STPG4: variants seen among roughly 807,000 people sequenced by gnomAD.
STPG4 encodes the protein protein STPG4.
STPG4 carries 41 observed loss-of-function variants against 31.5 expected under a neutral mutation model. The ratio of observed to expected loss-of-function variants is 1.30; its 90% CI spans 1.01 to 1.69. The LOEUF (loss-of-function observed/expected upper bound fraction) is 1.69, where lower values mean the gene tolerates loss of function less well. Among genes scored for constraint, STPG4 ranks in the 40% most tolerant of loss-of-function variants. The pLI is 0.00. For missense variants in STPG4, 375 were observed against 293.4 expected (o/e 1.28, Z -2.03); for synonymous variants, 141 against 103.0 (o/e 1.37, Z -2.24).
chr2:47,151,310 G>A lies in STPG4; in HGVS notation c.347C>T (p.Ser116Leu), dbSNP rs1686930395. The A allele has an allele frequency of 6.2e-7, 1 of 1,614,080 alleles. No individual in the cohort carries two copies. The highest frequency in any genetic ancestry group is 1.7e-5 in the Admixed American group (1 of 59,994). ...DLLKKQVATY[S>L]FKDKPRPSPS... ...GCTTGGCCGTGGTTTGTCTTTGAAT[G>A]AGTAAGTAGCCACTTGCTTCTTTAA... Residue 116 changes from serine (S) to leucine (L), a missense_variant, in exon 3 of 7, where the codon TCA (serine) becomes TTA (leucine). Ser to Leu is a moderately radical substitution (Grantham distance 145, BLOSUM62 -2). Transcript: ENST00000445927.
rs1163772364 is a variant in STPG4, at chr2:47,090,384, A to G, written c.520-10T>C. The G allele has an allele frequency of 6.6e-7, 1 of 1,511,582 alleles. No homozygotes were observed. The highest frequency in any genetic ancestry group is 9.0e-7 in the Non-Finnish European group (1 of 1,112,388). The allele number at this position is 1,511,582 out of a possible 1,614,324, so 93.6% of individuals were successfully genotyped here. ...GACCAGGGCCTTCATGCTATTGAACATTTAAAAAATTGCTTCATTATTATT... is the reference window on the plus strand; with the variant it reads ...GACCAGGGCCTTCATGCTATTGAACGTTTAAAAAATTGCTTCATTATTATT... On this transcript the variant is annotated splice_polypyrimidine_tract_variant and intron_variant, in intron 5 of 6. Transcript: ENST00000445927.
In STPG4 at chr2:47,092,407, G is replaced by A. The variant is rs191193947; in HGVS notation, c.520-2033C>T. On this transcript the variant is annotated intron_variant, in intron 5 of 6. Coordinates refer to ENST00000445927, the MANE Select transcript of STPG4 (RefSeq NM_001163561.2). The stretch of plus-strand genomic sequence containing the variant: ...GCCAGTTGTGGGGGTGTGTTCCTGT[G>A]GTCCCAGCTACTTGGGAGGCTGAGG... 4.6e-4 allele frequency among the ~76,000 whole-genome samples: 70 copies of A among 150,730 alleles called. No individual in the cohort carries two copies. The East Asian group carries it at 9.9e-3, about 21-fold the overall frequency.
intron 5 of STPG4, among the ~76,000 whole-genome samples, chr2:47,107,583 G>A (rs1335541258): frequency 1.3e-5 from 2 of 152,128 alleles, no homozygotes; most frequent in African/African-American, 2.4e-5. Flanking sequence ...GGGCTCCTGT[G>A]CAGCCCCAGC....
At chr2:47,119,483 A>G (rs1301059192) in intron 5 of STPG4, among the ~76,000 whole-genome samples, 2 of 152,142 alleles carry the variant, frequency 1.3e-5, no homozygotes, top group Admixed American at 6.6e-5. Context: ...TGCCTGAATT[A>G]TTTTTCAGTT....
chr2:47,153,878 A>G (rs1353953083), intron 1 of STPG4, among the ~76,000 whole-genome samples: 1 of 152,214 alleles, frequency 6.6e-6, no homozygotes, highest in Non-Finnish European at 1.5e-5. Context: ...TTGCCAAGTT[A>G]AGAAGCTGAT....
intron 5 of STPG4, among the ~76,000 whole-genome samples, chr2:47,125,413 G>T (rs924724065): frequency 1.3e-5 from 2 of 151,904 alleles, no homozygotes; most frequent in Non-Finnish European, 2.9e-5. Context: ...AAAGCAAGAC[G>T]CTGTCTCAAA....
chr2:47,101,996 AG>A (rs1387114136), intron 5 of STPG4, among the ~76,000 whole-genome samples: 2 of 151,872 alleles, frequency 1.3e-5, no homozygotes, highest in Non-Finnish European at 2.9e-5. Context: ...CCTGTGGTCT[AG>A]GAGGACAGGC....
At chr2:47,148,167 G>A (rs542843592) in intron 3 of STPG4, among the ~76,000 whole-genome samples, 13 of 151,994 alleles carry the variant, frequency 8.6e-5, no homozygotes, top group South Asian at 2.1e-4. Context: ...ATGCTGTCTC[G>A]AACTCCTGGC....
chr2:47,120,681 C>T (rs916411733), intron 5 of STPG4, among the ~76,000 whole-genome samples: 1 of 152,046 alleles, frequency 6.6e-6, no homozygotes, highest in Non-Finnish European at 1.5e-5. Flanking sequence ...GTTAAGAGGT[C>T]ATAGGGGTAG....
rs1232544211 is a variant in STPG4, at chr2:47,129,940, C to T, written c.519+1G>A. 7.4e-6 allele frequency: 12 copies of T among 1,611,242 alleles called. No individual in the cohort carries two copies. Among genetic ancestry groups the T allele is most frequent in the East Asian group, 2.2e-5 (1 of 44,876 alleles). On this transcript the variant is annotated splice_donor_variant, in intron 5 of 6. Coordinates refer to ENST00000445927, the MANE Select transcript of STPG4 (RefSeq NM_001163561.2). LOFTEE classifies it high-confidence loss of function. The stretch of plus-strand genomic sequence containing the variant: ...GAGTTAACTGTCTACATTATACTTA[C>T]GGGAATAAAATAGGTTGTTGGGAAT...
chr2:47,119,871 G>A (rs7583992), intron 5 of STPG4, among the ~76,000 whole-genome samples: 20,162 of 152,202 alleles, frequency 0.13, 1,499 homozygotes, highest in African/African-American at 0.17. Context: ...GCTAAATGTG[G>A]GGAAAGCAGA....
intron 5 of STPG4, among the ~76,000 whole-genome samples, chr2:47,121,358 A>G (rs147227581): frequency 6.6e-6 from 1 of 152,232 alleles, no homozygotes; most frequent in East Asian, 1.9e-4. Flanking sequence ...GTGAACTTCT[A>G]CACACTGAAT....
chr2:47,141,022 G>C (rs1291752165), intron 3 of STPG4, among the ~76,000 whole-genome samples: 1 of 151,758 alleles, frequency 6.6e-6, no homozygotes, highest in African/African-American at 2.4e-5. Context: ...GAGTAGCTGT[G>C]ACTACAGGTG....
At chr2:47,110,802 C>T (rs1686018090) in intron 5 of STPG4, among the ~76,000 whole-genome samples, 1 of 152,154 alleles carries the variant, frequency 6.6e-6, no homozygotes, top group Admixed American at 6.6e-5. Context: ...AGATCATAAA[C>T]ATTTCTGGTG....
At chr2:47,104,679 C>G (rs1260108803) in intron 5 of STPG4, among the ~76,000 whole-genome samples, 1 of 152,022 alleles carries the variant, frequency 6.6e-6, no homozygotes, top group East Asian at 1.9e-4. Flanking sequence ...ATCTAGGCCA[C>G]TTCTCAAGTC....
intron 3 of STPG4, among the ~76,000 whole-genome samples, chr2:47,149,888 C>G (rs190898988): frequency 4.3e-4 from 65 of 152,308 alleles, no homozygotes; most frequent in African/African-American, 1.5e-3. Flanking sequence ...CAATGCTGTA[C>G]TCCTCCCTCG....
At chr2:47,096,580 A>G (rs900616412) in intron 5 of STPG4, among the ~76,000 whole-genome samples, 3 of 152,224 alleles carry the variant, frequency 2.0e-5, no homozygotes, top group African/African-American at 4.8e-5. Context: ...AACAGTAGGA[A>G]TTCTCTTCCA....
chr2:47,138,461 G>A (rs1057133670), intron 3 of STPG4, among the ~76,000 whole-genome samples: 14 of 148,760 alleles, frequency 9.4e-5, no homozygotes, highest in African/African-American at 1.5e-4. Context: ...GTGTGATCTC[G>A]GCTCACTGCA....
intron 5 of STPG4, among the ~76,000 whole-genome samples, chr2:47,122,271 T>C (rs891322478): frequency 1.3e-5 from 2 of 152,232 alleles, no homozygotes; most frequent in Non-Finnish European, 2.9e-5. Flanking sequence ...AAAATACTTT[T>C]CCTAGTCTAC....
Sources: allele counts gnomAD v4.1 joint callset (sites outside exome capture counted in the v4.1 genomes callset), GRCh38; gene constraint gnomAD v4.1.1; transcripts MANE v1.5; gene names NCBI Gene and HGNC (gene_info 2026-07-23, HGNC 2026-07-21).